The following BMP5 variants were observed in gnomAD, a reference collection of about 807,000 sequenced individuals.
BMP5 encodes bone morphogenetic protein 5.
BMP5 carries 23 observed loss-of-function variants against 46.6 expected under a neutral mutation model. The ratio of observed to expected loss-of-function variants is 0.49; its 90% CI spans 0.35 to 0.70. The LOEUF is 0.70. BMP5 is among the 30% of genes least tolerant of loss of function. The pLI is 0.00. For synonymous variants in BMP5, 204 were observed against 191.9 expected (o/e 1.06, Z -0.52); for missense variants, 545 against 565.6 (o/e 0.96, Z 0.37).
At chr6:55,811,707 C>G (rs960703201) in intron 2 of BMP5, among the ~76,000 whole-genome samples, 1 of 151,892 alleles carries the variant, frequency 6.6e-6, no homozygotes, top group Non-Finnish European at 1.5e-5. Context: ...CTCTTTCTCT[C>G]TCTCTCTCCC....
At chr6:55,849,331 A>C (rs1214101677) in intron 1 of BMP5, among the ~76,000 whole-genome samples, 1 of 152,078 alleles carries the variant, frequency 6.6e-6, no homozygotes, top group Non-Finnish European at 1.5e-5. Flanking sequence ...GTGCGTACCT[A>C]CACATGAACA....
intron 1 of BMP5, among the ~76,000 whole-genome samples, chr6:55,867,561 C>T (rs1777679094): frequency 6.6e-6 from 1 of 152,132 alleles, no homozygotes; most frequent in Admixed American, 6.6e-5. Flanking sequence ...GTTTCTGTTG[C>T]CACAACATGT....
chr6:55,760,839 C>A (rs914380470), intron 4 of BMP5, among the ~76,000 whole-genome samples: 1 of 151,850 alleles, frequency 6.6e-6, no homozygotes, highest in Non-Finnish European at 1.5e-5. Context: ...GTACCATCTG[C>A]TCAATGAATA....
rs79214768 is a variant in BMP5 at position 55,786,405 on chromosome 6, C to A, written c.832+7874G>T. ...CAAGAAGTCAACTAAATAGTGAATT[C>A]TTCAAGTCACATAGAGCTTATTCCT... On this transcript the variant is annotated intron_variant, in intron 3 of 6. Transcript: ENST00000370830. Among the ~76,000 whole-genome samples the A allele has an allele frequency of 3.1e-3, 475 of 151,778 alleles. 4 individuals are homozygous for A. The highest frequency in any genetic ancestry group is 0.011 in the African/African-American group (440 of 41,512).
chr6:55,800,532 G>A (rs148607815), intron 2 of BMP5, among the ~76,000 whole-genome samples: 31 of 152,176 alleles, frequency 2.0e-4, no homozygotes, highest in Non-Finnish European at 2.8e-4. Context: ...CTTATAATTC[G>A]ATATATAAGG....
intron 3 of BMP5, among the ~76,000 whole-genome samples, chr6:55,786,895 A>G (rs746956187): frequency 1.3e-5 from 2 of 151,702 alleles, no homozygotes; most frequent in African/African-American, 2.4e-5. Flanking sequence ...TGACTTAATT[A>G]CTTCAAAAGA....
intron 1 of BMP5, among the ~76,000 whole-genome samples, chr6:55,832,287 A>G (rs1434241382): frequency 6.6e-6 from 1 of 152,124 alleles, no homozygotes; most frequent in Non-Finnish European, 1.5e-5. Flanking sequence ...GTTGATCACA[A>G]TGAGCCTGCA....
chr6:55,855,784 A>C (rs1039444453), intron 1 of BMP5, among the ~76,000 whole-genome samples: 18 of 152,174 alleles, frequency 1.2e-4, no homozygotes, highest in Admixed American at 1.1e-3. Context: ...TGTTTTGATA[A>C]ATTTTTAAGT....
chr6:55,794,501 A>AC, intron 2 of BMP5, 74 bp from the exon 3 acceptor site: 1 of 1,465,840 alleles, frequency 6.8e-7, no homozygotes, highest in Non-Finnish European at 9.5e-7. Flanking sequence ...TTAAGTGAAA[A>AC]CATTACAAAA....
chr6:55,870,920 A>G (rs1013713190), intron 1 of BMP5, among the ~76,000 whole-genome samples: 72 of 152,200 alleles, frequency 4.7e-4, no homozygotes, highest in African/African-American at 1.7e-3. Context: ...AAAACCATTA[A>G]TAAACTCAAA....
chr6:55,785,938 A>C (rs1775437560), intron 3 of BMP5, among the ~76,000 whole-genome samples: 1 of 151,772 alleles, frequency 6.6e-6, no homozygotes, highest in Non-Finnish European at 1.5e-5. Flanking sequence ...AAGAAAATAC[A>C]ATCCTGCTAA....
intron 2 of BMP5, among the ~76,000 whole-genome samples, chr6:55,797,356 T>A (rs1775739676): frequency 6.6e-6 from 1 of 152,228 alleles, no homozygotes; most frequent in Non-Finnish European, 1.5e-5. Context: ...TTTGCTTCAC[T>A]TTTTAAAAGA....
rs572616879 is a variant in BMP5, at chr6:55,780,651, G to A, written c.833-6408C>T. 1.2e-3 allele frequency among the ~76,000 whole-genome samples: 179 copies of A among 151,914 alleles called. 2 individuals carry two copies. Among genetic ancestry groups the A allele is most frequent in the African/African-American group, 4.0e-3 (164 of 41,424 alleles). ...TAAAAATTTTGCAGAAGATACTGTC[G>A]TGCCCCACAGTTTGATAAAGTGACG... On this transcript the variant is annotated intron_variant, in intron 3 of 6. Transcript: ENST00000370830.
At chr6:55,805,097 T>C (rs987982730) in intron 2 of BMP5, among the ~76,000 whole-genome samples, 1 of 152,208 alleles carries the variant, frequency 6.6e-6, no homozygotes, top group Admixed American at 6.5e-5. Context: ...CATTCATCTT[T>C]TGATGAAATC....
intron 2 of BMP5, among the ~76,000 whole-genome samples, chr6:55,816,434 A>C (rs1024949051): frequency 6.6e-6 from 1 of 152,156 alleles, no homozygotes; most frequent in Non-Finnish European, 1.5e-5. Context: ...CTTCTCACTA[A>C]TTTTGAGATA....
intron 1 of BMP5, among the ~76,000 whole-genome samples, chr6:55,821,161 G>C (rs1318029748): frequency 6.6e-6 from 1 of 152,282 alleles, no homozygotes; most frequent in East Asian, 1.9e-4. Flanking sequence ...CGGAGACAAG[G>C]CTGCTAGAAC....
chr6:55,756,774 T>G (rs1044970624), intron 6 of BMP5, among the ~76,000 whole-genome samples: 1 of 152,108 alleles, frequency 6.6e-6, no homozygotes, highest in African/African-American at 2.4e-5. Context: ...TCTACAAATT[T>G]CTGATGCTGC....
intron 1 of BMP5, among the ~76,000 whole-genome samples, chr6:55,844,821 A>G (rs1777057931): frequency 6.6e-6 from 1 of 151,984 alleles, no homozygotes; most frequent in South Asian, 2.1e-4. Flanking sequence ...CTTATCTAGA[A>G]AAAAAGTAAT....
At chr6:55,796,911 T>C (rs1775728560) in intron 2 of BMP5, among the ~76,000 whole-genome samples, 1 of 152,194 alleles carries the variant, frequency 6.6e-6, no homozygotes. Context: ...AAAAGAGCCA[T>C]ATATTTCTAG....
Sources: gnomAD v4.1 joint callset for allele counts (sites outside exome capture counted in the v4.1 genomes callset) on GRCh38, gnomAD v4.1.1 for gene constraint, MANE v1.5 for transcripts, NCBI Gene and HGNC (gene_info 2026-07-23, HGNC 2026-07-21) for gene names.